MPV17: variants seen among roughly 807,000 people sequenced by gnomAD.
The protein encoded by MPV17 is MPV17, mitochondrial inner membrane protein.
In MPV17, 31 loss-of-function variants were observed where a neutral mutation model predicts 28.6. The observed-to-expected ratio is 1.08, with a 90% CI of 0.81 to 1.46. MPV17 has a LOEUF of 1.46. Among genes scored for constraint, MPV17 ranks in the 40% most tolerant of loss-of-function variants. MPV17 has a pLI of 0.00. For synonymous variants in MPV17, 87 were observed against 85.3 expected (o/e 1.02, Z -0.11); for missense variants, 198 against 216.2 (o/e 0.92, Z 0.53).
intron 7 of MPV17, chr2:27,311,301 A>T: frequency 2.5e-6 from 1 of 395,450 alleles, no homozygotes; most frequent in Non-Finnish European, 4.6e-6. Flanking sequence ...ACTCAAGCAA[A>T]CCTCTTGCCT....
chr2:27,314,840 C>T (rs540802493), intron 2 of MPV17, among the ~76,000 whole-genome samples: 18 of 152,364 alleles, frequency 1.2e-4, no homozygotes, highest in African/African-American at 4.1e-4. Context: ...CTGGCTCTGA[C>T]GTCCATGCTG....
At chr2:27,322,427 A>G in intron 2 of MPV17, 21 bp downstream of exon 2, 1 of 1,608,714 alleles carries the variant, frequency 6.2e-7, no homozygotes, top group South Asian at 1.1e-5. Flanking sequence ...GGTCCCACTC[A>G]AGTCCTAGAG....
Position 27,317,121 on chromosome 2 carries a change from G to C in MPV17, c.71-4012C>G. On this transcript the variant is annotated intron_variant, in intron 2 of 7. Transcript: ENST00000380044. The surrounding 1 kb of genome is among the most constrained non-coding windows in gnomAD (Gnocchi z 4.0). ...TCATGCGCAGAAGGCAGAGGGGCAAGAAGTGGCTTCTTGGAGTGAGGAGCA... is the reference window on the plus strand; with the variant it reads ...TCATGCGCAGAAGGCAGAGGGGCAACAAGTGGCTTCTTGGAGTGAGGAGCA... 6.5e-7 allele frequency: 1 copy of C among 1,550,136 alleles called. No homozygotes were observed. Among genetic ancestry groups the C allele is most frequent in the Non-Finnish European group, 8.7e-7 (1 of 1,146,924 alleles).
intron 7 of MPV17, among the ~76,000 whole-genome samples, chr2:27,310,231 G>A (rs1034472995): frequency 2.0e-5 from 3 of 152,108 alleles, no homozygotes; most frequent in African/African-American, 7.2e-5. Flanking sequence ...AAGTAGCTGG[G>A]ACTACAGGTG....
chr2:27,316,475 C>G (rs1679657405), intron 2 of MPV17, among the ~76,000 whole-genome samples: 1 of 152,110 alleles, frequency 6.6e-6, no homozygotes, highest in South Asian at 2.1e-4. Flanking sequence ...GATTCCTTTG[C>G]CCACAGATGA....
At chr2:27,320,008 C>T (rs1262112835) in intron 2 of MPV17, among the ~76,000 whole-genome samples, 2 of 150,730 alleles carry the variant, frequency 1.3e-5, no homozygotes, top group African/African-American at 2.4e-5. Flanking sequence ...GAGGCCGAGG[C>T]GGGTGAATCA....
rs1176522285 is a variant in MPV17 at position 27,309,722 on chromosome 2, T to C, written c.*190A>G. ...TAGTATGTGGTGGGAATAAGACTAT[T>C]ATCAAGGGCTCTAAAGCAGTCAGTG... is the stretch of plus-strand genomic sequence containing the variant. On this transcript the variant is annotated 3_prime_UTR_variant, in exon 8 of 8. Coordinates refer to ENST00000380044, the MANE Select transcript of MPV17 (RefSeq NM_002437.5). 7.5e-6 allele frequency: 5 copies of C among 664,408 alleles called. No individual in the cohort carries two copies. Among genetic ancestry groups the C allele is most frequent in the African/African-American group, 1.8e-5 (1 of 56,120 alleles). The allele number at this position is 664,408 out of a possible 1,614,324, so 41.2% of individuals were successfully genotyped here.
chr2:27,311,667 C>A (rs2148214333), intron 7 of MPV17: 1 of 1,550,732 alleles, frequency 6.4e-7, no homozygotes, highest in African/African-American at 1.4e-5. Context: ...GTGGTAGAAG[C>A]AGGATCCTCC....
intron 6 of MPV17, 110 bp from the exon 7 acceptor site, chr2:27,312,061 T>G (rs1572542272): frequency 2.0e-6 from 3 of 1,472,840 alleles, no homozygotes; most frequent in African/African-American, 1.4e-5. Context: ...GGTGAACAGT[T>G]GGGTGATGGC....
At chr2:27,310,047 G>T (rs1679371192) in intron 7 of MPV17, 66 bp from the exon 8 acceptor site, 4 of 1,259,296 alleles carry the variant, frequency 3.2e-6, no homozygotes, top group Admixed American at 3.4e-5. Context: ...CTGGAGATGG[G>T]AGCATGAAAT....
At chr2:27,311,793 C>T in intron 7 of MPV17, 106 bp downstream of exon 7, 2 of 1,569,176 alleles carry the variant, frequency 1.3e-6, no homozygotes, top group Non-Finnish European at 1.7e-6. Context: ...GCTCAGTGTT[C>T]CGTTTGGGGG....
At position 27,311,836 on chromosome 2, in the gene MPV17, T is replaced by C. The variant is rs1013267692; in HGVS notation, c.461+63A>G. 6.9e-6 allele frequency: 11 copies of C among 1,599,250 alleles called. No individual in the cohort carries two copies. In the East Asian group the frequency reaches 1.8e-4, roughly 26 times the overall value. On this transcript the variant is annotated intron_variant, in intron 7 of 7. Transcript: ENST00000380044. ...TAGCTCAAGGTTGAAATGAGAATCATTTTGTCTCCAACTGTTGGTAACGTG... is the reference window on the plus strand; with the variant it reads ...TAGCTCAAGGTTGAAATGAGAATCACTTTGTCTCCAACTGTTGGTAACGTG...
intron 2 of MPV17, among the ~76,000 whole-genome samples, chr2:27,321,680 T>C (rs948112851): frequency 1.3e-5 from 2 of 152,180 alleles, no homozygotes; most frequent in Non-Finnish European, 2.9e-5. Flanking sequence ...TGGTAACAAA[T>C]GCAGGTAGGT....
chr2:27,319,401 C>T lies in MPV17; in HGVS notation c.70+3047G>A, dbSNP rs968915385. On this transcript the variant is annotated intron_variant, in intron 2 of 7. Transcript: ENST00000380044. ...AGCTGGGCATGGTGGTGCAAGCCCGCGGTCCCAACCACTCGGGAGGCTAAG... is the reference window on the plus strand; with the variant it reads ...AGCTGGGCATGGTGGTGCAAGCCCGTGGTCCCAACCACTCGGGAGGCTAAG... 4.7e-5 allele frequency among the ~76,000 whole-genome samples: 7 copies of T among 147,702 alleles called. No individual in the cohort carries two copies. In the South Asian group the frequency reaches 8.8e-4, roughly 18 times the overall value.
intron 7 of MPV17, 98 bp downstream of exon 7, chr2:27,311,801 G>A (rs1679449110): frequency 2.5e-6 from 4 of 1,573,402 alleles, no homozygotes; most frequent in Admixed American, 1.9e-5. Context: ...TTCCGTTTGG[G>A]GGTCTAAGGT....
In MPV17 at chr2:27,323,071, C is replaced by T. The variant is rs1030809433; in HGVS notation, c.-25G>A. ...ACTCACCTGAGCGCCGAGCCTCCCT[C>T]CCACGTGACAGGCTGGCCTAGGAAC... is the stretch of plus-strand genomic sequence containing the variant. On this transcript the variant is annotated 5_prime_UTR_variant, in exon 1 of 8. Coordinates refer to ENST00000380044, the MANE Select transcript of MPV17 (RefSeq NM_002437.5). 6.8e-5 allele frequency: 11 copies of T among 161,912 alleles called. No homozygotes were observed. The highest frequency in any genetic ancestry group is 2.6e-4 in the African/African-American group (11 of 41,672). The allele number at this position is 161,912 out of a possible 1,614,324, so 10.0% of individuals were successfully genotyped here.
chr2:27,312,791 T>G lies in MPV17; in HGVS notation c.187-19A>C, dbSNP rs577414925. 1 of 1,613,022 alleles carries G rather than the reference T, an allele frequency of 6.2e-7. No individual in the cohort carries two copies. The highest frequency in any genetic ancestry group is 2.2e-5 in the East Asian group (1 of 44,872). On this transcript the variant is annotated intron_variant, in intron 3 of 7. Transcript: ENST00000380044. Reference sequence around the variant, plus strand: ...CAGGGCCCTGGAAGTAAACCCCAGATAGCAGCAGGCTGCAGTGAGGGAGCC... The same window carrying G: ...CAGGGCCCTGGAAGTAAACCCCAGAGAGCAGCAGGCTGCAGTGAGGGAGCC...
rs1401305071 is a variant in MPV17, at chr2:27,312,983, G to T, written c.186+11C>A. On this transcript the variant is annotated intron_variant, in intron 3 of 7. Transcript: ENST00000380044. ...TGAGTCCACTGAAGCCCTGTTGAGG[G>T]GAGAACTTACCACAAAGCCACAGCC... The T allele has an allele frequency of 2.5e-6, 4 of 1,613,858 alleles. No homozygotes were observed. Among genetic ancestry groups the T allele is most frequent in the Non-Finnish European group, 3.4e-6 (4 of 1,179,838 alleles).
chr2:27,312,538 G>A lies in MPV17; in HGVS notation c.331C>T (p.Leu111Phe), dbSNP rs55689147. The change falls in exon 5 of 8, where the codon CTT becomes TTT. Residue 111 changes from leucine to phenylalanine, a missense_variant. Leu to Phe is a conservative substitution (Grantham distance 22, BLOSUM62 0). Coordinates refer to ENST00000380044, the MANE Select transcript of MPV17 (RefSeq NM_002437.5). Reference sequence around the variant, plus strand: ...TTGTCCTGGGCTGACAGTCCATTAAGTGCCCCTACCAGTGGGAGAAAGCAG... The same window carrying A: ...TTGTCCTGGGCTGACAGTCCATTAAATGCCCCTACCAGTGGGAGAAAGCAG... The part of the protein sequence containing the change: ...LGCFLPLVGA[L>F]NGLSAQDNWA... 3.1e-6 allele frequency: 5 copies of A among 1,614,164 alleles called. No individual in the cohort carries two copies. The highest frequency in any genetic ancestry group is 1.3e-5 in the African/African-American group (1 of 75,050).
Sources: gnomAD v4.1 joint callset for allele counts (sites outside exome capture counted in the v4.1 genomes callset) on GRCh38, gnomAD v4.1.1 for gene constraint, Gnocchi (gnomAD v3.1) non-coding constraint, MANE v1.5 for transcripts, NCBI Gene and HGNC (gene_info 2026-07-23, HGNC 2026-07-21) for gene names.